DNAH17: variants seen among roughly 807,000 people sequenced by gnomAD.
DNAH17 encodes the protein dynein axonemal heavy chain 17, also known as axonemal beta dynein heavy chain 17.
Under a neutral mutation model 485.6 loss-of-function variants are expected in DNAH17, and 376 were observed. The observed-to-expected ratio is 0.77, with a 90% CI of 0.71 to 0.84. The LOEUF (loss-of-function observed/expected upper bound fraction) is 0.84. Among genes scored for constraint, DNAH17 ranks in the 40% least tolerant of loss-of-function variants. The pLI, the probability that DNAH17 is intolerant of heterozygous loss-of-function variation, is 0.00. For synonymous variants in DNAH17, 3,031 were observed against 2,405.9 expected (o/e 1.26, Z -7.60); for missense variants, 6,370 against 5,839.3 (o/e 1.09, Z -2.96).
At chr17:78,454,759 T>C (rs2087716600) in intron 63 of DNAH17, 54 bp from the exon 64 acceptor site, 1 of 1,458,278 alleles carries the variant, frequency 6.9e-7, no homozygotes. Context: ...TATTACTTAC[T>C]AGAAAATAGC....
chr17:78,528,238 C>T (rs992609044), intron 22 of DNAH17, among the ~76,000 whole-genome samples: 4 of 152,082 alleles, frequency 2.6e-5, no homozygotes, highest in Admixed American at 6.6e-5. Flanking sequence ...CAGGGTGGGA[C>T]GGCTGAGAAC....
At chr17:78,431,416 T>G in intron 75 of DNAH17, among the ~76,000 whole-genome samples, 1 of 150,008 alleles carries the variant, frequency 6.7e-6, no homozygotes. Flanking sequence ...TGGGGGTGAG[T>G]GCTGTCTGCA....
chr17:78,568,160 G>A (rs1187969819), intron 9 of DNAH17, among the ~76,000 whole-genome samples: 1 of 152,158 alleles, frequency 6.6e-6, no homozygotes, highest in African/African-American at 2.4e-5. Context: ...CACCTCCAAA[G>A]TCCCTTCCTA....
chr17:78,472,840 A>G, intron 54 of DNAH17: 1 of 422,756 alleles, frequency 2.4e-6, no homozygotes, highest in South Asian at 1.6e-5. Flanking sequence ...CACCCAGGTC[A>G]CCCTTCAGCA....
Position 78,479,563 on chromosome 17 carries a change from G to C in DNAH17, c.7822C>G (p.Leu2608Val), listed in dbSNP as rs746057681. 1 of 1,613,710 alleles carries C rather than the reference G, an allele frequency of 6.2e-7. No individual in the cohort carries two copies. The highest frequency in any genetic ancestry group is 8.5e-7 in the Non-Finnish European group (1 of 1,179,890). The change falls in exon 50 of 81, where the codon CTG becomes GTG. Residue 2608 changes from leucine (L) to valine (V), a missense_variant. Coordinates refer to ENST00000389840, the MANE Select transcript of DNAH17 (RefSeq NM_173628.4). ...EALTTIYNTILTQHLAFRSVS... is the reference protein window; with the variant it reads ...EALTTIYNTIVTQHLAFRSVS... ...GAGCGGAAGGCCAGGTGCTGCGTCA[G>C]GATTGTGTTGTAGATGGTGGTGAGG...
Position 78,575,028 on chromosome 17 carries a change from C to A in DNAH17, c.30G>T (p.Glu10Asp). 1 of 1,613,854 alleles carries A rather than the reference C, an allele frequency of 6.2e-7. No individual in the cohort carries two copies. Among genetic ancestry groups the A allele is most frequent in the South Asian group, 1.1e-5 (1 of 91,052 alleles). ...CGATGGAGGCAACTTCCTCCAGATA[C>A]TCTAGTCTGACGTCCGGGGCCATTG... MTMAPDVRL[E>D]YLEEVASIVL... Residue 10 changes from glutamate to aspartate, a missense_variant, in exon 2 of 81, where the codon GAG (glutamate) becomes GAT (aspartate). Coordinates refer to ENST00000389840, the MANE Select transcript of DNAH17 (RefSeq NM_173628.4).
chr17:78,459,265 G>T, intron 60 of DNAH17, 57 bp from the exon 61 acceptor site: 1 of 1,511,530 alleles, frequency 6.6e-7, no homozygotes, highest in Non-Finnish European at 9.2e-7. Context: ...GGCAAAACGG[G>T]CCCAGAGAAG....
chr17:78,563,489 C>A (rs1334999138), intron 11 of DNAH17, among the ~76,000 whole-genome samples: 1 of 142,732 alleles, frequency 7.0e-6, no homozygotes, highest in South Asian at 2.2e-4. Flanking sequence ...AGAAAAAAAC[C>A]CCAAAAACCT....
chr17:78,537,021 T>TA (rs1202225259), intron 19 of DNAH17, among the ~76,000 whole-genome samples: 1 of 149,932 alleles, frequency 6.7e-6, no homozygotes, highest in African/African-American at 2.5e-5. Context: ...TAAAAAAAAA[T>TA]AAAAAAATTA....
At position 78,450,259 on chromosome 17, in the gene DNAH17, G is replaced by A. The variant is rs780519831; in HGVS notation, c.11035C>T (p.Leu3679Phe). 2.6e-5 allele frequency: 42 copies of A among 1,613,764 alleles called. No individual in the cohort carries two copies. The highest frequency in any genetic ancestry group is 3.6e-5 in the Non-Finnish European group (42 of 1,179,864). ...GCCCCAGCTGCAGGGCGCACCTTGA[G>A]GGAGAACTGGTAGACGGGGTTGATT... ...NKINPVYQFSLKAFNVVFEKA... is the reference protein window; with the variant it reads ...NKINPVYQFSFKAFNVVFEKA... The change falls in exon 68 of 81, where the codon CTC (leucine) becomes TTC (phenylalanine). Residue 3679 changes from leucine to phenylalanine, a missense_variant. Coordinates refer to ENST00000389840, the MANE Select transcript of DNAH17 (RefSeq NM_173628.4).
chr17:78,555,216 G>C (rs2091993432), intron 14 of DNAH17, among the ~76,000 whole-genome samples: 2 of 152,180 alleles, frequency 1.3e-5, no homozygotes, highest in Non-Finnish European at 2.9e-5. Flanking sequence ...GCAAGACGAT[G>C]TGTAGCAGGA....
intron 54 of DNAH17, 125 bp from the exon 55 acceptor site, chr17:78,469,008 G>C: frequency 8.0e-7 from 1 of 1,242,762 alleles, no homozygotes; most frequent in South Asian, 1.6e-5. Flanking sequence ...CTGTCGCCCA[G>C]GCTGGAGTGC....
At chr17:78,507,929 G>A (rs908541578) in intron 27 of DNAH17, 124 bp from the exon 28 acceptor site, 18 of 875,700 alleles carry the variant, frequency 2.1e-5, no homozygotes, top group Admixed American at 1.2e-4. Context: ...TCAAACCAAC[G>A]TATTCACAGG....
intron 63 of DNAH17, 82 bp from the exon 64 acceptor site, chr17:78,454,787 G>T: frequency 1.6e-6 from 2 of 1,253,622 alleles, no homozygotes; most frequent in Non-Finnish European, 2.2e-6. Flanking sequence ...ATAATGCTCT[G>T]TCTGGTGCTG....
intron 27 of DNAH17, among the ~76,000 whole-genome samples, chr17:78,508,185 G>C (rs990669089): frequency 3.3e-5 from 5 of 152,266 alleles, no homozygotes; most frequent in African/African-American, 1.2e-4. Context: ...TTGAGTCAGA[G>C]GCACTTGAAG....
chr17:78,503,089 G>A (rs943719141), intron 31 of DNAH17, 78 bp from the exon 32 acceptor site: 4 of 1,398,172 alleles, frequency 2.9e-6, no homozygotes, highest in African/African-American at 2.9e-5. Context: ...TGTATTTGTT[G>A]TAAAGAAAAA....
intron 11 of DNAH17, among the ~76,000 whole-genome samples, 167 bp downstream of exon 11, chr17:78,566,447 T>C (rs1313187505): frequency 6.6e-6 from 1 of 152,142 alleles, no homozygotes; most frequent in Non-Finnish European, 1.5e-5. Context: ...GGAGCTACAC[T>C]GGGTGTTCAC....
intron 57 of DNAH17, among the ~76,000 whole-genome samples, chr17:78,462,254 AG>A (rs1274237076): frequency 1.7e-4 from 1 of 5,968 alleles, no homozygotes; most frequent in African/African-American, 7.4e-4. Flanking sequence ...AGAGTTTGGT[AG>A]GGGGGTGGGG....
rs1163819691 is a variant in DNAH17 at position 78,461,714 on chromosome 17, G to A, written c.9175-6C>T. ...TTGGCTTTCAAATCATCCACCTGGG[G>A]AAGGAGAAACCGAGAAACAGCAAGT... is the stretch of plus-strand genomic sequence containing the variant. On this transcript the variant is annotated splice_region_variant and splice_polypyrimidine_tract_variant and intron_variant, in intron 57 of 80. Transcript: ENST00000389840. 2 of 1,608,326 alleles carry A rather than the reference G, an allele frequency of 1.2e-6. No homozygotes were observed. The highest frequency in any genetic ancestry group is 1.7e-6 in the Non-Finnish European group (2 of 1,177,556).
Sources: allele counts gnomAD v4.1 joint callset (sites outside exome capture counted in the v4.1 genomes callset), GRCh38; gene constraint gnomAD v4.1.1; transcripts MANE v1.5; gene names NCBI Gene and HGNC (gene_info 2026-07-23, HGNC 2026-07-21).